PCSK2: variants seen among roughly 807,000 people sequenced by gnomAD.
PCSK2 encodes neuroendocrine convertase 2.
In PCSK2, 14 loss-of-function variants were observed where a neutral mutation model predicts 69.7. That is an observed-to-expected ratio of 0.20 (90% CI 0.13 to 0.31). PCSK2 has a LOEUF of 0.31. PCSK2 is among the 10% of genes least tolerant of loss of function. PCSK2 has a pLI of 1.00. For missense variants in PCSK2, 544 were observed against 842.5 expected (o/e 0.65, Z 4.39); for synonymous variants, 307 against 320.7 (o/e 0.96, Z 0.46).
Position 17,362,413 on chromosome 20 carries a change from T to C in PCSK2, c.505+1773T>C, listed in dbSNP as rs546355682. On this transcript the variant is annotated intron_variant, in intron 4 of 11. Coordinates refer to ENST00000262545, the MANE Select transcript of PCSK2 (RefSeq NM_002594.5). ...TTATTATCTCTCACGGTTCTGTGGG[T>C]TGCTGGAGTTCATCTGGGCAGTTCT... Among the ~76,000 whole-genome samples the C allele has an allele frequency of 6.6e-5, 10 of 152,286 alleles. No individual in the cohort carries two copies. The South Asian group carries it at 2.1e-3, about 32-fold the overall frequency.
Position 17,234,818 on chromosome 20 carries a change from G to A in PCSK2, c.177+7336G>A, listed in dbSNP as rs140504119. On this transcript the variant is annotated intron_variant, in intron 1 of 11. Transcript: ENST00000262545. ...CCACTCAAACTAACTGCTCAAAGAG[G>A]TCTGGCTTTAAGAATAAAACATGAA... Among the ~76,000 whole-genome samples, 14 of 152,234 alleles carry A rather than the reference G, an allele frequency of 9.2e-5. No homozygotes were observed. In the East Asian group the frequency reaches 2.7e-3, roughly 29 times the overall value.
At chr20:17,248,577 A>T (rs759295395) in intron 1 of PCSK2, among the ~76,000 whole-genome samples, 1 of 152,326 alleles carries the variant, frequency 6.6e-6, no homozygotes, top group South Asian at 2.1e-4. Flanking sequence ...CAGAAAAATA[A>T]CCAATGCCTA....
chr20:17,436,847 G>A lies in PCSK2; in HGVS notation c.849G>A (p.Glu283=). Residue 283 remains glutamate (E), a synonymous_variant, in exon 8 of 12, where the codon GAG becomes GAA. Transcript: ENST00000262545. ...DNGKTVDGPR[E]LTLQAMADGV... is the part of the protein sequence containing the mutation. Reference sequence around the variant, plus strand: ...GCAAGACAGTGGATGGGCCCCGGGAGCTCACGCTGCAGGCCATGGCCGATG... The same window carrying A: ...GCAAGACAGTGGATGGGCCCCGGGAACTCACGCTGCAGGCCATGGCCGATG... 4 of 1,613,524 alleles carry A rather than the reference G, an allele frequency of 2.5e-6. No individual in the cohort carries two copies. The highest frequency in any genetic ancestry group is 3.4e-6 in the Non-Finnish European group (4 of 1,179,922).
intron 2 of PCSK2, among the ~76,000 whole-genome samples, chr20:17,269,630 T>A (rs924424291): frequency 6.6e-6 from 1 of 152,162 alleles, no homozygotes; most frequent in Non-Finnish European, 1.5e-5. Flanking sequence ...TAGTGTGCTT[T>A]AAAGCAGCAG....
chr20:17,465,192 A>G (rs1039900374), intron 10 of PCSK2, 134 bp from the exon 11 acceptor site: 1 of 720,640 alleles, frequency 1.4e-6, no homozygotes, highest in Non-Finnish European at 2.5e-6. Context: ...CTTGAATTTG[A>G]GAGTTCACAG....
chr20:17,454,046 C>G, intron 9 of PCSK2, 89 bp downstream of exon 9: 3 of 1,544,340 alleles, frequency 1.9e-6, no homozygotes, highest in Non-Finnish European at 2.6e-6. Flanking sequence ...TTGCTCCCCT[C>G]CTGTCCCCTC....
intron 2 of PCSK2, among the ~76,000 whole-genome samples, chr20:17,295,495 A>G (rs1988860626): frequency 1.4e-5 from 2 of 147,892 alleles, no homozygotes; most frequent in Admixed American, 1.4e-4. Context: ...TTATTTATTT[A>G]TTATTTATTT....
chr20:17,463,273 C>T (rs928503073), intron 10 of PCSK2, among the ~76,000 whole-genome samples: 8 of 152,196 alleles, frequency 5.3e-5, no homozygotes, highest in African/African-American at 1.4e-4. Flanking sequence ...AGCCAGCCCT[C>T]TGGTCATTTA....
In PCSK2 at chr20:17,399,948, C is replaced by T. The variant is rs569012365; in HGVS notation, c.544-9315C>T. Among the ~76,000 whole-genome samples, 89 of 152,226 alleles carry T rather than the reference C, an allele frequency of 5.8e-4. 1 individual carries two copies. In the Middle Eastern group the frequency reaches 0.01, roughly 17 times the overall value. Reference sequence around the variant, plus strand: ...AACAAAGAAACAGGTTGAACCCTGCCATTGAAATCAGGAGAATTAACCTTC... The same window carrying T: ...AACAAAGAAACAGGTTGAACCCTGCTATTGAAATCAGGAGAATTAACCTTC... On this transcript the variant is annotated intron_variant, in intron 5 of 11. Transcript: ENST00000262545.
At chr20:17,365,814 T>C (rs563829372) in intron 4 of PCSK2, among the ~76,000 whole-genome samples, 93 of 152,316 alleles carry the variant, frequency 6.1e-4, no homozygotes, top group African/African-American at 2.1e-3. Context: ...AGAGTAACCT[T>C]TTCTGACTCT....
chr20:17,343,112 C>T lies in PCSK2; in HGVS notation c.283-15215C>T, dbSNP rs117875287. Among the ~76,000 whole-genome samples the T allele has an allele frequency of 7.1e-3, 1,087 of 152,298 alleles. 6 individuals are homozygous for T. Among genetic ancestry groups the T allele is most frequent in the Non-Finnish European group, 0.012 (839 of 68,018 alleles). The stretch of plus-strand genomic sequence containing the variant: ...TATGTGGGCCTAGACAGTCCTTCTC[C>T]AGAGACTGACTCTCACTATCCCTTT... On this transcript the variant is annotated intron_variant, in intron 2 of 11. Coordinates refer to ENST00000262545, the MANE Select transcript of PCSK2 (RefSeq NM_002594.5).
intron 2 of PCSK2, among the ~76,000 whole-genome samples, chr20:17,276,479 C>CACAT (rs1988083707): frequency 1.3e-5 from 2 of 150,486 alleles, no homozygotes; most frequent in Admixed American, 6.6e-5. Flanking sequence ...CACACACACA[C>CACAT]ATACCATGTT....
chr20:17,336,349 G>C (rs1377105339), intron 2 of PCSK2, among the ~76,000 whole-genome samples: 1 of 152,156 alleles, frequency 6.6e-6, no homozygotes, highest in Non-Finnish European at 1.5e-5. Flanking sequence ...CTAGCAACTA[G>C]TTGAATGCCA....
rs1013196077 is a variant in PCSK2 at position 17,375,092 on chromosome 20, G to C, written c.543+5815G>C. 1.2e-4 allele frequency among the ~76,000 whole-genome samples: 19 copies of C among 152,272 alleles called. 1 individual carries two copies. The highest frequency in any genetic ancestry group is 6.8e-3 in the Middle Eastern group (2 of 294). On this transcript the variant is annotated intron_variant, in intron 5 of 11. Transcript: ENST00000262545. Reference sequence around the variant, plus strand: ...GTCAGGTTTGTTGCAAGGTATCCTTGAGATAATATGCGTATCAGGCCTGGC... The same window carrying C: ...GTCAGGTTTGTTGCAAGGTATCCTTCAGATAATATGCGTATCAGGCCTGGC...
chr20:17,241,721 T>C (rs1445759402), intron 1 of PCSK2, among the ~76,000 whole-genome samples: 3 of 152,198 alleles, frequency 2.0e-5, no homozygotes, highest in African/African-American at 7.2e-5. Flanking sequence ...CCATGAAGAT[T>C]AGTCCAGCTA....
rs147375774 is a variant in PCSK2 at position 17,347,391 on chromosome 20, G to A, written c.283-10936G>A. Among the ~76,000 whole-genome samples the A allele has an allele frequency of 7.5e-3, 1,146 of 152,196 alleles. 15 individuals are homozygous for A. Among genetic ancestry groups the A allele is most frequent in the African/African-American group, 0.025 (1,041 of 41,506 alleles). On this transcript the variant is annotated intron_variant, in intron 2 of 11. Transcript: ENST00000262545. Reference sequence around the variant, plus strand: ...TCGACAACCAAAGCCAGCAGTTGGCGGCAAAGCAGATGAACTAGAATATCT... The same window carrying A: ...TCGACAACCAAAGCCAGCAGTTGGCAGCAAAGCAGATGAACTAGAATATCT...
At chr20:17,277,994 G>T (rs1454357143) in intron 2 of PCSK2, among the ~76,000 whole-genome samples, 22 of 152,202 alleles carry the variant, frequency 1.4e-4, no homozygotes, top group Admixed American at 1.4e-3. Flanking sequence ...GGCCATCAGA[G>T]AAATGCAAAT....
At chr20:17,353,552 A>G (rs1367192378) in intron 2 of PCSK2, among the ~76,000 whole-genome samples, 1 of 152,174 alleles carries the variant, frequency 6.6e-6, no homozygotes, top group Non-Finnish European at 1.5e-5. Context: ...TGAGAAAGTA[A>G]ATCAATTCAG....
intron 1 of PCSK2, among the ~76,000 whole-genome samples, chr20:17,257,946 T>C (rs1987238618): frequency 6.6e-6 from 1 of 152,212 alleles, no homozygotes; most frequent in Non-Finnish European, 1.5e-5. Flanking sequence ...ATATTGCTAC[T>C]TCAGGAAATT....
Sources: gnomAD v4.1 joint callset for allele counts (sites outside exome capture counted in the v4.1 genomes callset) on GRCh38, gnomAD v4.1.1 for gene constraint, MANE v1.5 for transcripts, NCBI Gene and HGNC (gene_info 2026-07-23, HGNC 2026-07-21) for gene names.